KLHL41: variants seen among roughly 807,000 people sequenced by gnomAD.
KLHL41 encodes kelch-like protein 41.
In KLHL41, 31 loss-of-function variants were observed where a neutral mutation model predicts 49.2. That is an observed-to-expected ratio of 0.63 (90% CI 0.47 to 0.85). The LOEUF (loss-of-function observed/expected upper bound fraction) is 0.85. Ranked by LOEUF, KLHL41 falls within the 40% of genes least tolerant of loss-of-function variation. The pLI, the probability that KLHL41 is intolerant of heterozygous loss-of-function variation, is 0.00. For synonymous variants in KLHL41, 218 were observed against 258.5 expected, an observed-to-expected ratio of 0.84 and a Z score of 1.50; for missense variants, 663 against 726.7, an observed-to-expected ratio of 0.91 and a Z score of 1.01.
At chr2:169,516,304 T>C (rs1684113692) in intron 3 of KLHL41, among the ~76,000 whole-genome samples, 1 of 152,224 alleles carries the variant, frequency 6.6e-6, no homozygotes, top group Admixed American at 6.5e-5. Flanking sequence ...TCAATTTAAA[T>C]GGTAAATATA....
intron 1 of KLHL41, among the ~76,000 whole-genome samples, chr2:169,511,980 A>G (rs764574357): frequency 2.6e-5 from 4 of 152,186 alleles, no homozygotes; most frequent in Admixed American, 6.5e-5. Context: ...AACTGGCTCA[A>G]AAGAGTTTGT....
rs1431418673 is a variant in KLHL41 at position 169,526,084 on chromosome 2, T to TAA, written c.*389_*390dup. ...TGTGCATCTACACTAAAAAAATGTT[T>TAA]AAGATATCAAAAACCTCTCCTCGTG... On this transcript the variant is annotated 3_prime_UTR_variant, in exon 6 of 6. Transcript: ENST00000284669. 1 of 154,208 alleles carries TAA rather than the reference T, an allele frequency of 6.5e-6. No homozygotes were observed. The highest frequency in any genetic ancestry group is 1.4e-5 in the Non-Finnish European group (1 of 69,502). 9.6% of individuals were successfully genotyped at this position (154,208 alleles called of 1,614,324 possible). A position where few individuals can be genotyped will look rare whatever the true frequency, so the allele number is the denominator to read the frequency against.
rs1318936873 is a variant in KLHL41, at chr2:169,510,044, A to C, written c.266A>C (p.Lys89Thr). The C allele has an allele frequency of 6.2e-7, 1 of 1,614,206 alleles. No homozygotes were observed. Among genetic ancestry groups the C allele is most frequent in the East Asian group, 2.2e-5 (1 of 44,892 alleles). Residue 89 changes from lysine (K) to threonine (T), a missense_variant, in exon 1 of 6, where the codon AAA (lysine) becomes ACA (threonine). By Grantham distance (78) the Lys-to-Thr change is moderately conservative. This residue lies in a region of KLHL41 where 129 missense variants were observed against 122.1 expected (regional missense o/e 1.06). Transcript: ENST00000284669. This position sits in a 1 kb window ranked among gnomAD's most constrained non-coding sequence, Gnocchi z 4.2. The stretch of plus-strand genomic sequence containing the variant: ...CCTGCTATACTTGATTTAATCATCA[A>C]ATACCTGTACTCTGCCAGTATTGAT... ...VDPAILDLII[K>T]YLYSASIDLN... is the part of the protein sequence containing the mutation.
intron 5 of KLHL41, among the ~76,000 whole-genome samples, chr2:169,524,274 C>T (rs1684263324): frequency 6.6e-6 from 1 of 152,076 alleles, no homozygotes; most frequent in African/African-American, 2.4e-5. Flanking sequence ...CTTTCCTCTA[C>T]ATAAAAATCA....
chr2:169,519,819 C>A (rs1466319706), intron 4 of KLHL41, among the ~76,000 whole-genome samples: 1 of 151,990 alleles, frequency 6.6e-6, no homozygotes, highest in East Asian at 1.9e-4. Flanking sequence ...GTCTCGAACT[C>A]CTTACCTCAG....
Position 169,510,861 on chromosome 2 carries a change from T to C in KLHL41, c.1083T>C (p.Asp361=). 1 of 1,613,892 alleles carries C rather than the reference T, an allele frequency of 6.2e-7. No individual in the cohort carries two copies. Among genetic ancestry groups the C allele is most frequent in the Non-Finnish European group, 8.5e-7 (1 of 1,179,894 alleles). ...TATATGTGGATGAAGAAAATAAGGATCAACCTCTACAGTCATACTTCTTCC... is the reference window on the plus strand; with the variant it reads ...TATATGTGGATGAAGAAAATAAGGACCAACCTCTACAGTCATACTTCTTCC... ...GGLYVDEENK[D]QPLQSYFFQL... is the part of the protein sequence containing the mutation. Residue 361 remains aspartate (D), a synonymous_variant, in exon 1 of 6, where the codon GAT becomes GAC. Coordinates refer to ENST00000284669, the MANE Select transcript of KLHL41 (RefSeq NM_006063.3). This position sits in a 1 kb window ranked among gnomAD's most constrained non-coding sequence, Gnocchi z 4.2.
rs752652171 is a variant in KLHL41, at chr2:169,525,665, G to A, written c.1790G>A (p.Arg597His). 5.6e-6 allele frequency: 9 copies of A among 1,610,754 alleles called. No individual in the cohort carries two copies. The highest frequency in any genetic ancestry group is 1.1e-5 in the South Asian group (1 of 91,010). Reference protein sequence around the residue: ...YASGASCLATRLNLFKLSKL With the variant: ...YASGASCLATHLNLFKLSKL ...TCAGGAGCTAGTTGCCTAGCAACAC[G>A]TTTAAATCTCTTCAAACTGTCTAAA... The change falls in exon 6 of 6, where the codon CGT becomes CAT. Residue 597 changes from arginine (R) to histidine (H), a missense_variant. This residue lies in a region of KLHL41 where 528 missense variants were observed against 581.0 expected (regional missense o/e 0.91). Transcript: ENST00000284669.
intron 5 of KLHL41, 141 bp downstream of exon 5, chr2:169,521,148 G>A (rs1322604458): frequency 5.8e-6 from 4 of 693,088 alleles, no homozygotes; most frequent in Non-Finnish European, 9.6e-6. Flanking sequence ...AAACCTAATT[G>A]AACTTCTGTA....
At chr2:169,511,325 C>T (rs984579592) in intron 1 of KLHL41, among the ~76,000 whole-genome samples, 14 of 152,104 alleles carry the variant, frequency 9.2e-5, no homozygotes, top group African/African-American at 3.4e-4. Flanking sequence ...GCTGGGATTA[C>T]CGGTGTGAGC....
In KLHL41 at chr2:169,514,940, T is replaced by G. The variant is rs1684090677; in HGVS notation, c.1355T>G (p.Leu452Arg). 1.9e-6 allele frequency: 3 copies of G among 1,603,636 alleles called. No homozygotes were observed. The South Asian group carries it at 3.4e-5, about 18-fold the overall frequency. Residue 452 changes from leucine (L) to arginine (R), a missense_variant, in exon 3 of 6, where the codon CTA (leucine) becomes CGA (arginine). By Grantham distance (102) the Leu-to-Arg change is moderately radical. Transcript: ENST00000284669. Reference sequence around the variant, plus strand: ...TCACATAAAGGGATGATATATTGTCTAGGAGGAAAGACAGATGACAAGTAA... The same window carrying G: ...TCACATAAAGGGATGATATATTGTCGAGGAGGAAAGACAGATGACAAGTAA... ...VISHKGMIYC[L>R]GGKTDDKKCT... is the part of the protein sequence containing the mutation.
rs1459980420 is a variant in KLHL41 at position 169,510,066 on chromosome 2, T to C, written c.288T>C (p.Ile96=). ...LIIKYLYSAS[I]DLNDGNVQDI... ...TCAAATACCTGTACTCTGCCAGTATTGATCTCAATGACGGAAATGTGCAAG... is the reference window on the plus strand; with the variant it reads ...TCAAATACCTGTACTCTGCCAGTATCGATCTCAATGACGGAAATGTGCAAG... The change falls in exon 1 of 6, where the codon ATT becomes ATC. Residue 96 remains isoleucine, a synonymous_variant. Coordinates refer to ENST00000284669, the MANE Select transcript of KLHL41 (RefSeq NM_006063.3). The surrounding 1 kb of genome is among the most constrained non-coding windows in gnomAD (Gnocchi z 4.2). The C allele has an allele frequency of 6.2e-7, 1 of 1,614,216 alleles. No individual in the cohort carries two copies. The highest frequency in any genetic ancestry group is 1.7e-5 in the Admixed American group (1 of 60,022).
chr2:169,510,613 A>C lies in KLHL41; in HGVS notation c.835A>C (p.Asn279His), dbSNP rs748306399. 6.2e-7 allele frequency: 1 copy of C among 1,614,174 alleles called. No homozygotes were observed. The highest frequency in any genetic ancestry group is 1.7e-5 in the Admixed American group (1 of 60,020). The change falls in exon 1 of 6, where the codon AAT becomes CAT. Residue 279 changes from asparagine to histidine, a missense_variant. Asn to His is a moderately conservative substitution (Grantham distance 68, BLOSUM62 1). Transcript: ENST00000284669. This position sits in a 1 kb window ranked among gnomAD's most constrained non-coding sequence, Gnocchi z 4.2. ...CGCGAAGACTGGGGCTGGTGAGGTG[A>C]ATGGTGATGTTGGTGATGAAGATTT... Reference protein sequence around the residue: ...NAAKTGAGEVNGDVGDEDLLP... With the variant: ...NAAKTGAGEVHGDVGDEDLLP...
Position 169,510,049 on chromosome 2 carries a change from C to A in KLHL41, c.271C>A (p.Leu91Met). 6.2e-7 allele frequency: 1 copy of A among 1,614,142 alleles called. No individual in the cohort carries two copies. Among genetic ancestry groups the A allele is most frequent in the African/African-American group, 1.3e-5 (1 of 75,032 alleles). ...TATACTTGATTTAATCATCAAATAC[C>A]TGTACTCTGCCAGTATTGATCTCAA... Reference protein sequence around the residue: ...PAILDLIIKYLYSASIDLNDG... With the variant: ...PAILDLIIKYMYSASIDLNDG... The change falls in exon 1 of 6, where the codon CTG becomes ATG. Residue 91 changes from leucine to methionine, a missense_variant. Physicochemically the swap from Leu to Met is conservative, Grantham distance 15. This residue lies in a region of KLHL41 where 129 missense variants were observed against 122.1 expected (regional missense o/e 1.06). Coordinates refer to ENST00000284669, the MANE Select transcript of KLHL41 (RefSeq NM_006063.3). The surrounding 1 kb of genome is among the most constrained non-coding windows in gnomAD (Gnocchi z 4.2).
intron 5 of KLHL41, among the ~76,000 whole-genome samples, chr2:169,521,961 A>C (rs1179384785): frequency 1.3e-4 from 20 of 151,822 alleles, no homozygotes; most frequent in Non-Finnish European, 2.5e-4. Context: ...AGATCGCGCC[A>C]CTGCACTCCA....
rs373954289 is a variant in KLHL41, at chr2:169,520,867, T to A, written c.1569T>A (p.Asp523Glu). 6 of 1,609,874 alleles carry A rather than the reference T, an allele frequency of 3.7e-6. No homozygotes were observed. The highest frequency in any genetic ancestry group is 5.1e-6 in the Non-Finnish European group (6 of 1,176,558). ...TATTTTTAATGATACCTAGATGGGA[T>A]GTAATGACCGAATTTCCCCAAGAAA... Reference protein sequence around the residue: ...EAFDLTTNKWDVMTEFPQERS... With the variant: ...EAFDLTTNKWEVMTEFPQERS... Residue 523 changes from aspartate to glutamate, a missense_variant, in exon 5 of 6, where the codon GAT (aspartate) becomes GAA (glutamate). Physicochemically the swap from Asp to Glu is conservative, Grantham distance 45. Around this residue, in one of 3 missense-constraint regions of KLHL41, gnomAD observed 528 missense variants for 581.0 expected, o/e 0.91. Coordinates refer to ENST00000284669, the MANE Select transcript of KLHL41 (RefSeq NM_006063.3).
chr2:169,524,158 C>T (rs1245632344), intron 5 of KLHL41, among the ~76,000 whole-genome samples: 2 of 152,066 alleles, frequency 1.3e-5, no homozygotes, highest in Non-Finnish European at 2.9e-5. Flanking sequence ...AATGTGGTCA[C>T]TTTCTTTAGG....
At chr2:169,514,477 G>T in intron 1 of KLHL41, 97 bp from the exon 2 acceptor site, 1 of 917,584 alleles carries the variant, frequency 1.1e-6, no homozygotes, top group Non-Finnish European at 1.6e-6. Context: ...TGACTATCTC[G>T]ATGACTTCTA....
intron 3 of KLHL41, among the ~76,000 whole-genome samples, chr2:169,516,007 G>A (rs1257199804): frequency 1.3e-5 from 2 of 152,106 alleles, no homozygotes; most frequent in Non-Finnish European, 2.9e-5. Context: ...CCAGAGAGAG[G>A]AGAAGTGAGC....
intron 4 of KLHL41, among the ~76,000 whole-genome samples, 161 bp from the exon 5 acceptor site, chr2:169,520,700 G>A (rs1222827675): frequency 2.0e-5 from 3 of 151,990 alleles, no homozygotes; most frequent in Non-Finnish European, 4.4e-5. Flanking sequence ...TGATCTACCC[G>A]TCTCAGCCTC....
Sources: allele counts gnomAD v4.1 joint callset (sites outside exome capture counted in the v4.1 genomes callset), GRCh38; gene constraint gnomAD v4.1.1; regional missense constraint gnomAD v4.1.1; non-coding constraint Gnocchi (gnomAD v3.1); transcripts MANE v1.5; gene names NCBI Gene and HGNC (gene_info 2026-07-23, HGNC 2026-07-21).